FUT8: variants seen among roughly 807,000 people sequenced by gnomAD.
FUT8 encodes the protein fucosyltransferase 8.
A neutral mutation model predicts 71.3 loss-of-function variants in FUT8; 29 were observed. The ratio of observed to expected loss-of-function variants is 0.41; its 90% confidence interval spans 0.30 to 0.55. The LOEUF (loss-of-function observed/expected upper bound fraction) is 0.55, where lower values mean the gene tolerates loss of function less well. FUT8 is among the 20% of genes least tolerant of loss of function. FUT8 has a pLI of 0.34. For missense variants in FUT8, 544 were observed against 702.1 expected (o/e 0.77, Z 2.55); for synonymous variants, 254 against 239.3 (o/e 1.06, Z -0.57).
chr14:65,459,563 C>T (rs1400652070), intron 2 of FUT8, among the ~76,000 whole-genome samples: 1 of 151,944 alleles, frequency 6.6e-6, no homozygotes, highest in Non-Finnish European at 1.5e-5. Context: ...TTAATCCCAC[C>T]CATTAGGTTA....
intron 2 of FUT8, among the ~76,000 whole-genome samples, chr14:65,530,260 C>G (rs186978319): frequency 7.9e-5 from 12 of 152,230 alleles, no homozygotes; most frequent in Non-Finnish European, 2.9e-5. Flanking sequence ...AAAGTGCTTT[C>G]AGAGAGAAAT....
At chr14:65,464,185 A>C (rs935653034) in intron 2 of FUT8, among the ~76,000 whole-genome samples, 1 of 150,954 alleles carries the variant, frequency 6.6e-6, no homozygotes, top group African/African-American at 2.4e-5. Context: ...GAGTTCCCAA[A>C]TATCTCCCCC....
chr14:65,657,781 G>A (rs1472549267), intron 6 of FUT8, among the ~76,000 whole-genome samples: 2 of 152,104 alleles, frequency 1.3e-5, no homozygotes, highest in Non-Finnish European at 2.9e-5. Context: ...ACAGCAGGGT[G>A]ATAGTCAATA....
intron 1 of FUT8, among the ~76,000 whole-genome samples, chr14:65,428,605 A>C (rs77144060): frequency 0.099 from 15,122 of 152,182 alleles, 986 homozygotes; most frequent in East Asian, 0.38. Flanking sequence ...GCAATGAACA[A>C]ATTTGGAATT....
At chr14:65,359,791 G>T in the FUT8 span, among the ~76,000 whole-genome samples, 1 of 152,048 alleles carries the variant, frequency 6.6e-6, no homozygotes, top group African/African-American at 2.4e-5. Flanking sequence ...AGCTATGAAC[G>T]TGGGTTTACA....
chr14:65,417,476 A>G (rs1391618430), intron 1 of FUT8, among the ~76,000 whole-genome samples: 2 of 152,276 alleles, frequency 1.3e-5, no homozygotes, highest in Middle Eastern at 3.4e-3. Context: ...ATATGATACT[A>G]CACATTTTCC....
intron 10 of FUT8, among the ~76,000 whole-genome samples, chr14:65,741,224 C>G (rs527331958): frequency 6.6e-6 from 1 of 151,944 alleles, no homozygotes; most frequent in East Asian, 1.9e-4. Context: ...ACATAGGGAC[C>G]TTTTAAGTAG....
intron 2 of FUT8, among the ~76,000 whole-genome samples, chr14:65,479,093 A>T (rs1346849804): frequency 1.3e-5 from 2 of 152,188 alleles, no homozygotes; most frequent in Non-Finnish European, 2.9e-5. Flanking sequence ...AAAAGTTGCT[A>T]ACTAAATGTT....
Position 65,654,126 on chromosome 14 carries a change from G to A in FUT8, c.598-15117G>A, listed in dbSNP as rs1418570398. ...AAAATTTTTTACAATGGCCGATGTG[G>A]TTCTTAATGTTTATGAAGGTGATTT... On this transcript the variant is annotated intron_variant, in intron 6 of 10. Transcript: ENST00000673929. Among the ~76,000 whole-genome samples the A allele has an allele frequency of 3.9e-5, 6 of 152,144 alleles. No homozygotes were observed. In the East Asian group the frequency reaches 1.2e-3, roughly 29 times the overall value.
intron 2 of FUT8, among the ~76,000 whole-genome samples, chr14:65,539,799 G>A (rs896059998): frequency 2.0e-5 from 3 of 152,166 alleles, no homozygotes; most frequent in African/African-American, 7.2e-5. Flanking sequence ...TAATTATAAT[G>A]AAGCATATAT....
chr14:65,736,629 A>G (rs1294685956), intron 10 of FUT8, among the ~76,000 whole-genome samples: 1 of 152,014 alleles, frequency 6.6e-6, no homozygotes, highest in African/African-American at 2.4e-5. Flanking sequence ...ATTTGAAGTA[A>G]ATGTGTGTGT....
rs78968956 is a variant in FUT8 at position 65,483,411 on chromosome 14, C to G, written c.-228+27693C>G. On this transcript the variant is annotated intron_variant, in intron 2 of 10. Transcript: ENST00000673929. This position sits in a 1 kb window ranked among gnomAD's most constrained non-coding sequence, Gnocchi z 4.4. ...AGTGATCCTTTTTATTAAGCTTTCA[C>G]TTTTCAAATTACTGTGTGGCTTTTC... Among the ~76,000 whole-genome samples, 870 of 152,282 alleles carry G rather than the reference C, an allele frequency of 5.7e-3. 30 individuals are homozygous for G. The East Asian group carries it at 0.092, about 16-fold the overall frequency.
intron 1 of FUT8, among the ~76,000 whole-genome samples, chr14:65,434,236 C>G (rs1382970707): frequency 6.6e-6 from 1 of 152,204 alleles, no homozygotes; most frequent in African/African-American, 2.4e-5. Context: ...ACAACCAGAT[C>G]CAGGAACTTA....
chr14:65,458,190 A>AAC (rs2065921759), intron 2 of FUT8: 1 of 150,570 alleles, frequency 6.6e-6, no homozygotes, highest in Admixed American at 6.8e-5. Context: ...TCAAAAAAAA[A>AAC]AAAAACAAAA....
At chr14:65,700,053 A>G (rs545396229) in intron 7 of FUT8, among the ~76,000 whole-genome samples, 22 of 152,314 alleles carry the variant, frequency 1.4e-4, no homozygotes, top group Non-Finnish European at 3.1e-4. Flanking sequence ...TGGTACACTA[A>G]GAAAATGCAT....
At chr14:65,564,404 A>G (rs1001949330) in intron 3 of FUT8, among the ~76,000 whole-genome samples, 1 of 152,208 alleles carries the variant, frequency 6.6e-6, no homozygotes, top group Non-Finnish European at 1.5e-5. Flanking sequence ...TCTTTCGGCT[A>G]GAATTTTCTG....
intron 2 of FUT8, among the ~76,000 whole-genome samples, chr14:65,468,673 G>T (rs1487441052): frequency 2.0e-5 from 3 of 152,010 alleles, no homozygotes; most frequent in African/African-American, 4.8e-5. Flanking sequence ...TATTTATCTT[G>T]CTTGGTGTTC....
chr14:65,585,995 G>C lies in FUT8; in HGVS notation c.203+24229G>C, dbSNP rs7160780. Among the ~76,000 whole-genome samples the C allele has an allele frequency of 2.3e-3, 354 of 151,982 alleles. 3 individuals carry two copies. In the Middle Eastern group the frequency reaches 0.038, roughly 16 times the overall value. On this transcript the variant is annotated intron_variant, in intron 3 of 10. Transcript: ENST00000673929. ...AAGCAAGAGATTAAAACATAGAGAA[G>C]GAAATAGATATGGATAACCAGTAAA...
At chr14:65,519,204 C>A (rs1346805891) in intron 2 of FUT8, among the ~76,000 whole-genome samples, 1 of 151,860 alleles carries the variant, frequency 6.6e-6, no homozygotes, top group Non-Finnish European at 1.5e-5. Context: ...ATTAGGGACA[C>A]GTTCATTCAT....
Sources: allele counts gnomAD v4.1 joint callset (sites outside exome capture counted in the v4.1 genomes callset), GRCh38; gene constraint gnomAD v4.1.1; non-coding constraint Gnocchi (gnomAD v3.1); transcripts MANE v1.5; gene names NCBI Gene and HGNC (gene_info 2026-07-23, HGNC 2026-07-21).